Variants in INTS13 observed in about 807,000 individuals in gnomAD.
INTS13 encodes asunder, spermatogenesis regulator homolog (Drosphila).
In INTS13, 35 loss-of-function variants were observed where a neutral mutation model predicts 90.2. The ratio of observed to expected loss-of-function variants is 0.39; its 90% CI spans 0.30 to 0.51. The LOEUF is 0.51. Among genes scored for constraint, INTS13 ranks in the 20% least tolerant of loss-of-function variants. The pLI is 0.80. For missense variants in INTS13, 601 were observed against 851.2 expected, an observed-to-expected ratio of 0.71 and a Z score of 3.66; for synonymous variants, 309 against 277.1, an observed-to-expected ratio of 1.11 and a Z score of -1.14.
At chr12:26,911,730 T>C (rs1213543867) in intron 14 of INTS13, among the ~76,000 whole-genome samples, 1 of 152,246 alleles carries the variant, frequency 6.6e-6, no homozygotes, top group African/African-American at 2.4e-5. Flanking sequence ...ATGTATTGTG[T>C]AGATGTATTT....
In INTS13 at chr12:26,933,988, T is replaced by A. The variant is rs528527685; in HGVS notation, c.300+568A>T. ...ATGTTATAATGCCAACATGAAACTT[T>A]GAAATAACCAACAATTCTGACATAT... On this transcript the variant is annotated intron_variant, in intron 3 of 16. Coordinates refer to ENST00000261191, the MANE Select transcript of INTS13 (RefSeq NM_018164.3). Among the ~76,000 whole-genome samples, 6 of 152,230 alleles carry A rather than the reference T, an allele frequency of 3.9e-5. No individual in the cohort carries two copies. In the South Asian group the frequency reaches 1.2e-3, roughly 32 times the overall value.
At chr12:26,918,245 A>T (rs1952001085) in intron 8 of INTS13, among the ~76,000 whole-genome samples, 1 of 152,182 alleles carries the variant, frequency 6.6e-6, no homozygotes, top group Admixed American at 6.5e-5. Context: ...AACTACTCTA[A>T]AATTAAAAGT....
chr12:26,930,787 T>G (rs1168864745), intron 3 of INTS13, among the ~76,000 whole-genome samples: 1 of 152,184 alleles, frequency 6.6e-6, no homozygotes, highest in African/African-American at 2.4e-5. Context: ...GTACTTATTT[T>G]TATTCATACA....
chr12:26,922,607 G>A lies in INTS13; in HGVS notation c.889+9C>T. On this transcript the variant is annotated intron_variant, in intron 8 of 16. Coordinates refer to ENST00000261191, the MANE Select transcript of INTS13 (RefSeq NM_018164.3). The stretch of plus-strand genomic sequence containing the variant: ...ATCATACAAAATAATACTTTCAAAT[G>A]TCTCTTACCACTTTTCAGGAAATCT... The A allele has an allele frequency of 6.3e-7, 1 of 1,575,778 alleles. No homozygotes were observed.
Position 26,932,582 on chromosome 12 carries a change from G to A in INTS13, c.300+1974C>T, listed in dbSNP as rs576114437. 1.1e-4 allele frequency among the ~76,000 whole-genome samples: 16 copies of A among 152,280 alleles called. No individual in the cohort carries two copies. In the East Asian group the frequency reaches 1.3e-3, roughly 13 times the overall value. On this transcript the variant is annotated intron_variant, in intron 3 of 16. Coordinates refer to ENST00000261191, the MANE Select transcript of INTS13 (RefSeq NM_018164.3). ...AGGTAAGATACTAAATCACTACTGCGCAATAGAACTTACTGCGATGATGGA... is the reference window on the plus strand; with the variant it reads ...AGGTAAGATACTAAATCACTACTGCACAATAGAACTTACTGCGATGATGGA...
chr12:26,926,589 C>T, intron 5 of INTS13, among the ~76,000 whole-genome samples: 1 of 152,140 alleles, frequency 6.6e-6, no homozygotes, highest in Non-Finnish European at 1.5e-5. Context: ...TAGTTCCAAA[C>T]ATGTCTTTAC....
At chr12:26,922,540 C>A in intron 8 of INTS13, 76 bp downstream of exon 8, 1 of 1,117,204 alleles carries the variant, frequency 9.0e-7, no homozygotes. Context: ...AATGTCTTCC[C>A]TGAGGATGTG....
chr12:26,936,189 C>T (rs1035897844), intron 2 of INTS13, among the ~76,000 whole-genome samples: 2 of 152,186 alleles, frequency 1.3e-5, no homozygotes, highest in Admixed American at 6.5e-5. Flanking sequence ...ACAAACAAGA[C>T]TGACAGTCAG....
At position 26,917,628 on chromosome 12, in the gene INTS13, A is replaced by T; in HGVS notation, c.979+16T>A. 1 of 1,591,472 alleles carries T rather than the reference A, an allele frequency of 6.3e-7. No individual in the cohort carries two copies. The highest frequency in any genetic ancestry group is 8.6e-7 in the Non-Finnish European group (1 of 1,160,040). Reference sequence around the variant, plus strand: ...CCTTTTGATTTCGTCTTTTTCAGTTATTCTTAAATACCTACCAATGTTATT... The same window carrying T: ...CCTTTTGATTTCGTCTTTTTCAGTTTTTCTTAAATACCTACCAATGTTATT... On this transcript the variant is annotated intron_variant, in intron 9 of 16. Transcript: ENST00000261191.
intron 8 of INTS13, among the ~76,000 whole-genome samples, chr12:26,920,561 G>A (rs1952087050): frequency 6.6e-6 from 1 of 151,958 alleles, no homozygotes; most frequent in Admixed American, 6.5e-5. Flanking sequence ...ACCATGCCCG[G>A]CTAATTTTTT....
At chr12:26,905,991 A>G (rs1183285214) in intron 16 of INTS13, among the ~76,000 whole-genome samples, 1 of 152,206 alleles carries the variant, frequency 6.6e-6, no homozygotes, top group African/African-American at 2.4e-5. Context: ...CCTTAATAGG[A>G]AAACATTTTC....
chr12:26,923,437 C>A (rs969668404), intron 7 of INTS13, among the ~76,000 whole-genome samples: 6 of 152,164 alleles, frequency 3.9e-5, no homozygotes, highest in African/African-American at 1.4e-4. Flanking sequence ...TTATAATTCT[C>A]ATGCAATTTA....
At chr12:26,926,827 T>C (rs1223303216) in intron 5 of INTS13, among the ~76,000 whole-genome samples, 1 of 152,218 alleles carries the variant, frequency 6.6e-6, no homozygotes, top group Non-Finnish European at 1.5e-5. Context: ...AGTGGGATCC[T>C]GGACAGCTCC....
At position 26,934,626 on chromosome 12, in the gene INTS13, T is replaced by C. The variant is rs758353094; in HGVS notation, c.230A>G (p.Asn77Ser). Residue 77 changes from asparagine to serine, a missense_variant, in exon 3 of 17, where the codon AAT (asparagine) becomes AGT (serine). Physicochemically the swap from Asn to Ser is conservative, Grantham distance 46 (BLOSUM62 1). This residue lies in a region of INTS13 where 284 missense variants were observed against 387.7 expected (regional missense o/e 0.73). Transcript: ENST00000261191. Reference protein sequence around the residue: ...YDIFPFKKLVNFIVSDSGAHV... With the variant: ...YDIFPFKKLVSFIVSDSGAHV... ...TGCTCCAGAGTCACTCACAATAAAA[T>C]TCACCTAATAGATTCCAAAGAAACA... The C allele has an allele frequency of 6.2e-7, 1 of 1,611,550 alleles. No homozygotes were observed. The highest frequency in any genetic ancestry group is 1.1e-5 in the South Asian group (1 of 90,804).
At chr12:26,908,537 G>GTT (rs566427446) in intron 15 of INTS13, among the ~76,000 whole-genome samples, 5 of 143,634 alleles carry the variant, frequency 3.5e-5, no homozygotes, top group Non-Finnish European at 6.1e-5. Context: ...GGTTATTTTG[G>GTT]TTTTTTTTTT....
chr12:26,934,009 CATATTA>C (rs1216348958), intron 3 of INTS13, among the ~76,000 whole-genome samples: 7 of 152,138 alleles, frequency 4.6e-5, no homozygotes, highest in South Asian at 2.1e-4. Context: ...ACAATTCTGA[CATATTA>C]ATATTGAGAA....
chr12:26,936,824 G>GA lies in INTS13; in HGVS notation c.-11-11dup. The stretch of plus-strand genomic sequence containing the variant: ...TTCATTTTGTTTTAACCTGTAAGGG[G>GA]AAAAACATATTAGCCAAATATTTGT... On this transcript the variant is annotated splice_polypyrimidine_tract_variant and intron_variant, in intron 1 of 16. Coordinates refer to ENST00000261191, the MANE Select transcript of INTS13 (RefSeq NM_018164.3). The GA allele has an allele frequency of 6.5e-7, 1 of 1,547,708 alleles. No individual in the cohort carries two copies. Among genetic ancestry groups the GA allele is most frequent in the Non-Finnish European group, 8.9e-7 (1 of 1,122,292 alleles).
intron 2 of INTS13, 65 bp downstream of exon 2, chr12:26,936,513 TA>T (rs148292712): frequency 0.039 from 46,893 of 1,194,044 alleles, 1,140 homozygotes; most frequent in Middle Eastern, 0.079. Flanking sequence ...CAAATTCATA[TA>T]AAAATTCATT....
chr12:26,924,336 A>C lies in INTS13; in HGVS notation c.804+19T>G, dbSNP rs1937746225. ...AGCAAAGCAGTGCTTTCAAAATAGC[A>C]GGAAAAAGAACTGCCTACCTTCATT... On this transcript the variant is annotated intron_variant, in intron 7 of 16. Transcript: ENST00000261191. 6.2e-7 allele frequency: 1 copy of C among 1,607,324 alleles called. No homozygotes were observed. The highest frequency in any genetic ancestry group is 8.5e-7 in the Non-Finnish European group (1 of 1,176,672).
Sources: gnomAD v4.1 joint callset for allele counts (sites outside exome capture counted in the v4.1 genomes callset) on GRCh38, gnomAD v4.1.1 for gene constraint, gnomAD v4.1.1 regional missense constraint, MANE v1.5 for transcripts, NCBI Gene and HGNC (gene_info 2026-07-23, HGNC 2026-07-21) for gene names.